NINL: variants seen among roughly 807,000 people sequenced by gnomAD.
The protein encoded by NINL is ninein-like protein.
A neutral mutation model predicts 160.3 loss-of-function variants in NINL; 153 were observed. The ratio of observed to expected loss-of-function variants is 0.95; its 90% CI spans 0.84 to 1.09. The LOEUF (loss-of-function observed/expected upper bound fraction) is 1.09. Among genes scored for constraint, NINL ranks in the 50% least tolerant of loss-of-function variants. The probability of loss-of-function intolerance (pLI) is 0.00; values close to 1 mark genes in which losing one functional copy is unlikely to be tolerated. For missense variants in NINL, 1,829 were observed against 1,764.0 expected, an observed-to-expected ratio of 1.04 and a Z score of -0.66; for synonymous variants, 800 against 734.8, an observed-to-expected ratio of 1.09 and a Z score of -1.43.
intron 1 of NINL, among the ~76,000 whole-genome samples, chr20:25,551,901 A>G (rs1378560560): frequency 6.6e-6 from 1 of 152,208 alleles, no homozygotes; most frequent in Non-Finnish European, 1.5e-5. Context: ...ATTGGCATGT[A>G]CTGGTTTTAC....
At position 25,467,449 on chromosome 20, in the gene NINL, A is replaced by C. The variant is rs1219719396; in HGVS notation, c.3363T>G (p.Ile1121Met). The change falls in exon 19 of 24, where the codon ATT (isoleucine) becomes ATG (methionine). Residue 1121 changes from isoleucine to methionine, a missense_variant. Physicochemically the swap from Ile to Met is conservative, Grantham distance 10. Coordinates refer to ENST00000278886, the MANE Select transcript of NINL (RefSeq NM_025176.6). The stretch of plus-strand genomic sequence containing the variant: ...TTTCCTTGTCTTTCTTTAAAACCTC[A>C]ATTTCCTTCCTGTTGAAGAAGCACA... ...ESTHDAQRKE[I>M]EVLKKDKEKA... 6.2e-7 allele frequency: 1 copy of C among 1,613,670 alleles called. No individual in the cohort carries two copies. The highest frequency in any genetic ancestry group is 2.2e-5 in the East Asian group (1 of 44,892).
intron 1 of NINL, among the ~76,000 whole-genome samples, chr20:25,540,295 A>G (rs891012532): frequency 3.3e-5 from 5 of 152,190 alleles, no homozygotes; most frequent in African/African-American, 4.8e-5. Context: ...CTTTGCCACC[A>G]AGTGAAAGAA....
At chr20:25,533,003 C>G (rs1192438898) in intron 1 of NINL, among the ~76,000 whole-genome samples, 1 of 152,188 alleles carries the variant, frequency 6.6e-6, no homozygotes, top group African/African-American at 2.4e-5. Context: ...ACTGCATTCA[C>G]CTGGAAAGCG....
intron 10 of NINL, among the ~76,000 whole-genome samples, chr20:25,492,862 A>T (rs540871797): frequency 6.6e-6 from 1 of 152,196 alleles, no homozygotes; most frequent in Non-Finnish European, 1.5e-5. Flanking sequence ...TTTTCCTTTA[A>T]TTGTACTTTC....
chr20:25,524,545 T>A (rs957913368), intron 2 of NINL, among the ~76,000 whole-genome samples: 1 of 152,112 alleles, frequency 6.6e-6, no homozygotes, highest in Non-Finnish European at 1.5e-5. Flanking sequence ...CCCACACACA[T>A]ATGAGAAGCC....
chr20:25,469,524 C>T (rs914060645), intron 18 of NINL, among the ~76,000 whole-genome samples: 2 of 151,294 alleles, frequency 1.3e-5, no homozygotes, highest in Non-Finnish European at 2.9e-5. Context: ...CCACGCCCAT[C>T]CCCTCCCCCA....
chr20:25,468,398 C>T (rs2062972298), intron 18 of NINL, among the ~76,000 whole-genome samples: 3 of 150,892 alleles, frequency 2.0e-5, no homozygotes, highest in Admixed American at 2.0e-4. Flanking sequence ...TGTCCCCCGA[C>T]TCTCACTGGT....
intron 1 of NINL, among the ~76,000 whole-genome samples, chr20:25,561,891 G>A (rs1197037119): frequency 3.8e-4 from 58 of 151,860 alleles, no homozygotes; most frequent in African/African-American, 1.2e-3. Context: ...CACCCCGTCC[G>A]GAAGGGAGGT....
chr20:25,510,594 A>G (rs1601187034), intron 5 of NINL, 80 bp downstream of exon 5: 1 of 1,243,466 alleles, frequency 8.0e-7, no homozygotes, highest in Admixed American at 1.7e-5. Context: ...GTGGTTGCAC[A>G]CTGCCCAATG....
chr20:25,584,270 G>A (rs1180779570), intron 1 of NINL, among the ~76,000 whole-genome samples: 2 of 152,106 alleles, frequency 1.3e-5, no homozygotes, highest in African/African-American at 2.4e-5. Context: ...TCAGAAGTTC[G>A]AGACCAGCCT....
intron 5 of NINL, chr20:25,509,555 G>C: frequency 2.4e-6 from 1 of 422,724 alleles, no homozygotes; most frequent in Non-Finnish European, 4.7e-6. Flanking sequence ...CTGAGAGGAG[G>C]GATGCTCAGA....
chr20:25,549,205 C>G (rs1215372088), intron 1 of NINL, among the ~76,000 whole-genome samples: 5 of 101,602 alleles, frequency 4.9e-5, no homozygotes, highest in Non-Finnish European at 7.8e-5. Flanking sequence ...CTCACCCAGG[C>G]CTGACCCCGG....
intron 1 of NINL, among the ~76,000 whole-genome samples, chr20:25,545,933 A>G (rs1434910339): frequency 6.6e-6 from 1 of 152,070 alleles, no homozygotes; most frequent in Non-Finnish European, 1.5e-5. Flanking sequence ...CTCCCTAAGT[A>G]TAATGAGAAC....
At chr20:25,469,430 CGG>C (rs2063035588) in intron 18 of NINL, among the ~76,000 whole-genome samples, 1 of 128,630 alleles carries the variant, frequency 7.8e-6, no homozygotes, top group Non-Finnish European at 1.7e-5. Flanking sequence ...CATTGGTGGG[CGG>C]CCCACTGCCC....
At chr20:25,478,621 C>T (rs1482267383) in intron 16 of NINL, among the ~76,000 whole-genome samples, 3 of 152,198 alleles carry the variant, frequency 2.0e-5, no homozygotes, top group South Asian at 2.1e-4. Context: ...CCTGGAGAAG[C>T]GGGTGTCTCT....
chr20:25,465,785 C>T (rs2062898489), intron 19 of NINL, among the ~76,000 whole-genome samples: 2 of 152,168 alleles, frequency 1.3e-5, no homozygotes, highest in South Asian at 2.1e-4. Context: ...GTCATAGTTA[C>T]ACACAATGTG....
chr20:25,530,025 A>G (rs2064429613), intron 1 of NINL, among the ~76,000 whole-genome samples: 1 of 152,210 alleles, frequency 6.6e-6, no homozygotes, highest in Non-Finnish European at 1.5e-5. Context: ...CCGTGTCTCC[A>G]AGAATCATGA....
chr20:25,456,709 T>C (rs2090690581), intron 22 of NINL, among the ~76,000 whole-genome samples: 1 of 152,060 alleles, frequency 6.6e-6, no homozygotes, highest in South Asian at 2.1e-4. Context: ...GGCGGGTAGA[T>C]CACCTGAGGT....
At chr20:25,530,548 C>T (rs1600285663) in intron 1 of NINL, among the ~76,000 whole-genome samples, 1 of 151,974 alleles carries the variant, frequency 6.6e-6, no homozygotes, top group Non-Finnish European at 1.5e-5. Flanking sequence ...CAAAATTCAC[C>T]CCCGATATTT....
Sources: gnomAD v4.1 joint callset for allele counts (sites outside exome capture counted in the v4.1 genomes callset) on GRCh38, gnomAD v4.1.1 for gene constraint, MANE v1.5 for transcripts, NCBI Gene and HGNC (gene_info 2026-07-23, HGNC 2026-07-21) for gene names.